Variants in SRRM5 observed in about 807,000 individuals in gnomAD.
The protein encoded by SRRM5 is serine/arginine repetitive matrix protein 5.
SRRM5 carries 1 observed loss-of-function variant against 1.3 expected under a neutral mutation model. The ratio of observed to expected loss-of-function variants is 0.76; its 90% CI spans 0.27 to 3.59. The LOEUF (loss-of-function observed/expected upper bound fraction) is 3.59. Ranked by LOEUF, SRRM5 falls within the 30% of genes most tolerant of loss-of-function variation. The pLI is 0.19. For missense variants in SRRM5, 875 were observed against 914.5 expected, an observed-to-expected ratio of 0.96 and a Z score of 0.56; for synonymous variants, 275 against 320.2, an observed-to-expected ratio of 0.86 and a Z score of 1.51.
In SRRM5 at chr19:43,614,367, A is replaced by G. The variant is rs1973350644; in HGVS notation, c.*98A>G. 2.0e-6 allele frequency: 3 copies of G among 1,530,714 alleles called. No individual in the cohort carries two copies. The highest frequency in any genetic ancestry group is 1.7e-6 in the Non-Finnish European group (2 of 1,143,498). 94.8% of individuals were successfully genotyped at this position (1,530,714 alleles called of 1,614,324 possible). ...AGCTGAGCAGCGTCCCTCCCCGGCC[A>G]GCTCTCCACAGCCACACCTCCGGCC... is the stretch of plus-strand genomic sequence containing the variant. On this transcript the variant is annotated 3_prime_UTR_variant, in exon 1 of 1. Coordinates refer to ENST00000417606, the MANE Select transcript of SRRM5 (RefSeq NM_001145641.2).
In SRRM5 at chr19:43,612,715, A is replaced by G; in HGVS notation, c.594A>G (p.Pro198=). 4 of 1,551,632 alleles carry G rather than the reference A, an allele frequency of 2.6e-6. No homozygotes were observed. The highest frequency in any genetic ancestry group is 3.5e-6 in the Non-Finnish European group (4 of 1,146,992). The change falls in exon 1 of 1, where the codon CCA becomes CCG. Residue 198 remains proline (P), a synonymous_variant. Coordinates refer to ENST00000417606, the MANE Select transcript of SRRM5 (RefSeq NM_001145641.2). This position sits in a 1 kb window ranked among gnomAD's most constrained non-coding sequence, Gnocchi z 4.2. ...ATCTGAGCAAGAAGAGTTACCGCCCACCAGGAGGCTCAGGTATAGGGAGGA... is the reference window on the plus strand; with the variant it reads ...ATCTGAGCAAGAAGAGTTACCGCCCGCCAGGAGGCTCAGGTATAGGGAGGA... ...PRNLSKKSYR[P]PGGSGIGRSS...
In SRRM5 at chr19:43,613,777, C is replaced by G. The variant is rs755892279; in HGVS notation, c.1656C>G (p.Ser552Arg). 1 of 1,549,744 alleles carries G rather than the reference C, an allele frequency of 6.5e-7. No individual in the cohort carries two copies. Among genetic ancestry groups the G allele is most frequent in the Non-Finnish European group, 8.7e-7 (1 of 1,145,736 alleles). The change falls in exon 1 of 1, where the codon AGC (serine) becomes AGG (arginine). Residue 552 changes from serine to arginine, a missense_variant. Coordinates refer to ENST00000417606, the MANE Select transcript of SRRM5 (RefSeq NM_001145641.2). ...ERDRSQSRSP[S>R]EEREHRQSRS... ...ATCGCAGCCAATCTAGAAGCCCCAGCGAGGAGAGAGAGCACAGACAATCCA... is the reference window on the plus strand; with the variant it reads ...ATCGCAGCCAATCTAGAAGCCCCAGGGAGGAGAGAGAGCACAGACAATCCA...
At position 43,614,292 on chromosome 19, in the gene SRRM5, G is replaced by C. The variant is rs201481478; in HGVS notation, c.*23G>C. On this transcript the variant is annotated 3_prime_UTR_variant, in exon 1 of 1. Coordinates refer to ENST00000417606, the MANE Select transcript of SRRM5 (RefSeq NM_001145641.2). ...TAGCCCCCAGTCTCAGCTGGCTCAC[G>C]GGTCTCTGTCATGACCGGGGGAGGG... 1 of 1,610,168 alleles carries C rather than the reference G, an allele frequency of 6.2e-7. No homozygotes were observed.
chr19:43,613,304 C>T lies in SRRM5; in HGVS notation c.1183C>T (p.Pro395Ser), dbSNP rs866297504. The stretch of plus-strand genomic sequence containing the variant: ...GAGTGGTCGCAGTCAATCAGGAAGC[C>T]CCAACAAGCAGAGAGATCACAGCCG... ...KESGRSQSGS[P>S]NKQRDHSRSR... The change falls in exon 1 of 1, where the codon CCC becomes TCC. Residue 395 changes from proline to serine, a missense_variant. Transcript: ENST00000417606. 1 of 1,551,146 alleles carries T rather than the reference C, an allele frequency of 6.4e-7. No homozygotes were observed. Among genetic ancestry groups the T allele is most frequent in the Admixed American group, 2.0e-5 (1 of 50,908 alleles).
chr19:43,614,371 C>G lies in SRRM5; in HGVS notation c.*102C>G, dbSNP rs1600088672. On this transcript the variant is annotated 3_prime_UTR_variant, in exon 1 of 1. Coordinates refer to ENST00000417606, the MANE Select transcript of SRRM5 (RefSeq NM_001145641.2). ...GAGCAGCGTCCCTCCCCGGCCAGCTCTCCACAGCCACACCTCCGGCCACAA... is the reference window on the plus strand; with the variant it reads ...GAGCAGCGTCCCTCCCCGGCCAGCTGTCCACAGCCACACCTCCGGCCACAA... The G allele has an allele frequency of 2.0e-6, 3 of 1,528,674 alleles. No homozygotes were observed. The East Asian group carries it at 6.8e-5, about 35-fold the overall frequency. 94.7% of individuals were successfully genotyped at this position (1,528,674 alleles called of 1,614,324 possible). A position where few individuals can be genotyped will look rare whatever the true frequency, so the allele number is the denominator to read the frequency against.
At position 43,614,076 on chromosome 19, in the gene SRRM5, G is replaced by GGAA; in HGVS notation, c.1958_1960dup (p.Lys653dup). ...TCTACAGTCCCCAGAAGTCCCGACT[G>GGAA]GAAGAGATCCCCTACTAGGACAAGC... is the stretch of plus-strand genomic sequence containing the variant. On this transcript the variant is annotated inframe_insertion, in exon 1 of 1. Transcript: ENST00000417606. 6.4e-7 allele frequency: 1 copy of GGAA among 1,560,756 alleles called. No individual in the cohort carries two copies. The highest frequency in any genetic ancestry group is 1.2e-5 in the South Asian group (1 of 85,194).
In SRRM5 at chr19:43,613,520, C is replaced by A; in HGVS notation, c.1399C>A (p.Pro467Thr). 1 of 1,551,170 alleles carries A rather than the reference C, an allele frequency of 6.4e-7. No individual in the cohort carries two copies. Among genetic ancestry groups the A allele is most frequent in the Non-Finnish European group, 8.7e-7 (1 of 1,146,846 alleles). Residue 467 changes from proline to threonine, a missense_variant, in exon 1 of 1, where the codon CCC becomes ACC. Physicochemically the swap from Pro to Thr is conservative, Grantham distance 38. Transcript: ENST00000417606. The part of the protein sequence containing the change: ...KARDHSRSRS[P>T]NKARDRSRSR... Reference sequence around the variant, plus strand: ...AAGAGATCATAGCCGATCTAGAAGTCCCAACAAGGCGAGAGATCGCAGCCG... The same window carrying A: ...AAGAGATCATAGCCGATCTAGAAGTACCAACAAGGCGAGAGATCGCAGCCG...
Position 43,613,595 on chromosome 19 carries a change from A to G in SRRM5, c.1474A>G (p.Ser492Gly). The stretch of plus-strand genomic sequence containing the variant: ...AGATCACAGCCAACTTGGAAGCCCC[A>G]GCAAAGAGAGAGATCACAGACGATC... ...ERDHSQLGSP[S>G]KERDHRRSRS... Residue 492 changes from serine (S) to glycine (G), a missense_variant, in exon 1 of 1, where the codon AGC becomes GGC. By Grantham distance (56) the Ser-to-Gly change is moderately conservative. Transcript: ENST00000417606. The G allele has an allele frequency of 3.2e-6, 5 of 1,551,312 alleles. No individual in the cohort carries two copies. Among genetic ancestry groups the G allele is most frequent in the Non-Finnish European group, 3.5e-6 (4 of 1,146,738 alleles).
At position 43,614,386 on chromosome 19, in the gene SRRM5, T is replaced by C. The variant is rs1973350807; in HGVS notation, c.*117T>C. The C allele has an allele frequency of 1.7e-5, 25 of 1,509,862 alleles. No individual in the cohort carries two copies. Among genetic ancestry groups the C allele is most frequent in the Non-Finnish European group, 2.2e-5 (25 of 1,134,208 alleles). 93.5% of individuals were successfully genotyped at this position (1,509,862 alleles called of 1,614,324 possible). A position where few individuals can be genotyped will look rare whatever the true frequency, so the allele number is the denominator to read the frequency against. The stretch of plus-strand genomic sequence containing the variant: ...CCGGCCAGCTCTCCACAGCCACACC[T>C]CCGGCCACAAGTTCTCTAATACAGG... On this transcript the variant is annotated 3_prime_UTR_variant, in exon 1 of 1. Transcript: ENST00000417606.
Position 43,612,555 on chromosome 19 carries a change from T to G in SRRM5, c.434T>G (p.Ile145Arg). 1.3e-6 allele frequency: 2 copies of G among 1,550,998 alleles called. No homozygotes were observed. Residue 145 changes from isoleucine (I) to arginine (R), a missense_variant, in exon 1 of 1, where the codon ATA (isoleucine) becomes AGA (arginine). Coordinates refer to ENST00000417606, the MANE Select transcript of SRRM5 (RefSeq NM_001145641.2). The surrounding 1 kb of genome is among the most constrained non-coding windows in gnomAD (Gnocchi z 4.2). ...AGCAGGGCCAGCACTCCTGGCAGGATAAGAACTCATGGTGCCAGACCAGGC... is the reference window on the plus strand; with the variant it reads ...AGCAGGGCCAGCACTCCTGGCAGGAGAAGAACTCATGGTGCCAGACCAGGC... The part of the protein sequence containing the change: ...SPSRASTPGR[I>R]RTHGARPGMA...
In SRRM5 at chr19:43,613,140, G is replaced by A. The variant is rs768621607; in HGVS notation, c.1019G>A (p.Ser340Asn). ...SQSRSHSKGKSQNQSRTPRRG... is the reference protein window; with the variant it reads ...SQSRSHSKGKNQNQSRTPRRG... ...TCTAGAAGCCACAGCAAGGGGAAAA[G>A]TCAAAACCAATCTAGAACCCCCAGA... Residue 340 changes from serine to asparagine, a missense_variant, in exon 1 of 1, where the codon AGT (serine) becomes AAT (asparagine). Physicochemically the swap from Ser to Asn is conservative, Grantham distance 46. Coordinates refer to ENST00000417606, the MANE Select transcript of SRRM5 (RefSeq NM_001145641.2). 2.6e-6 allele frequency: 4 copies of A among 1,551,522 alleles called. No homozygotes were observed. The African/African-American group carries it at 5.5e-5, about 21-fold the overall frequency.
At position 43,612,882 on chromosome 19, in the gene SRRM5, A is replaced by T. The variant is rs532462200; in HGVS notation, c.761A>T (p.Glu254Val). Residue 254 changes from glutamate (E) to valine (V), a missense_variant, in exon 1 of 1, where the codon GAA becomes GTA. Coordinates refer to ENST00000417606, the MANE Select transcript of SRRM5 (RefSeq NM_001145641.2). This position sits in a 1 kb window ranked among gnomAD's most constrained non-coding sequence, Gnocchi z 4.2. Reference sequence around the variant, plus strand: ...GGTCAGATGATCATCCCCAGTAGGGAAAAGAGTTACAGCCCCACTGAAATG... The same window carrying T: ...GGTCAGATGATCATCCCCAGTAGGGTAAAGAGTTACAGCCCCACTGAAATG... The part of the protein sequence containing the change: ...SYGQMIIPSR[E>V]KSYSPTEMSS... 1 of 1,551,584 alleles carries T rather than the reference A, an allele frequency of 6.4e-7. No homozygotes were observed.
rs1202746851 is a variant in SRRM5 at position 43,614,106 on chromosome 19, TCA to T, written c.1986_1987del (p.Gln664GlufsTer2). On this transcript the variant is annotated frameshift_variant, in exon 3 of 3. Transcript: ENST00000607544. LOFTEE classifies it low-confidence loss of function (END_TRUNC). ...AGATCCCCTACTAGGACAAGCAGTC[TCA>T]GTCAGAATAGAACCCCTAGCAAGAC... 3.1e-6 allele frequency: 5 copies of T among 1,587,640 alleles called. No individual in the cohort carries two copies. In the African/African-American group the frequency reaches 5.4e-5, roughly 17 times the overall value.
rs369108312 is a variant in SRRM5, at chr19:43,612,696, G to A, written c.575G>A (p.Ser192Asn). The A allele has an allele frequency of 1.1e-4, 172 of 1,551,448 alleles. No individual in the cohort carries two copies. The highest frequency in any genetic ancestry group is 1.5e-4 in the Non-Finnish European group (169 of 1,147,004). ...ERSDSQPRNLSKKSYRPPGGS... is the reference protein window; with the variant it reads ...ERSDSQPRNLNKKSYRPPGGS... ...AGTGACAGCCAGCCTAGAAATCTGA[G>A]CAAGAAGAGTTACCGCCCACCAGGA... Residue 192 changes from serine to asparagine, a missense_variant, in exon 1 of 1, where the codon AGC (serine) becomes AAC (asparagine). Ser to Asn is a conservative substitution (Grantham distance 46). Transcript: ENST00000417606. The surrounding 1 kb of genome is among the most constrained non-coding windows in gnomAD (Gnocchi z 4.2).
At position 43,614,143 on chromosome 19, in the gene SRRM5, C is replaced by A; in HGVS notation, c.2022C>A (p.His674Gln). The A allele has an allele frequency of 6.2e-7, 1 of 1,613,170 alleles. No individual in the cohort carries two copies. The highest frequency in any genetic ancestry group is 8.5e-7 in the Non-Finnish European group (1 of 1,179,492). Residue 674 changes from histidine to glutamine, a missense_variant, in exon 1 of 1, where the codon CAC becomes CAA. Coordinates refer to ENST00000417606, the MANE Select transcript of SRRM5 (RefSeq NM_001145641.2). ...GAACCCCTAGCAAGACAAGCAGCCA[C>A]TCCCCATCAACATTTCCCAGTGGGG... ...QNRTPSKTSS[H>Q]SPSTFPSGGQ...
Position 43,612,514 on chromosome 19 carries a change from C to G in SRRM5, c.393C>G (p.Ser131Arg), listed in dbSNP as rs1222405790. The part of the protein sequence containing the change: ...GRTPGRRGSR[S>R]SKRSPSRAST... ...CACCTGGCAGAAGGGGAAGCCGCAG[C>G]TCCAAGAGGTCACCCAGCAGGGCCA... The change falls in exon 1 of 1, where the codon AGC (serine) becomes AGG (arginine). Residue 131 changes from serine to arginine, a missense_variant. Transcript: ENST00000417606. This position sits in a 1 kb window ranked among gnomAD's most constrained non-coding sequence, Gnocchi z 4.2. 11 of 1,551,310 alleles carry G rather than the reference C, an allele frequency of 7.1e-6. No individual in the cohort carries two copies. In the African/African-American group the frequency reaches 1.2e-4, roughly 17 times the overall value.
rs1973348774 is a variant in SRRM5, at chr19:43,614,248, ATCT to A, written c.2133_2135del (p.Ser712del). 3 of 1,613,944 alleles carry A rather than the reference ATCT, an allele frequency of 1.9e-6. No homozygotes were observed. The highest frequency in any genetic ancestry group is 1.7e-5 in the Admixed American group (1 of 59,978). On this transcript the variant is annotated inframe_deletion, in exon 1 of 1. Coordinates refer to ENST00000417606, the MANE Select transcript of SRRM5 (RefSeq NM_001145641.2). ...CCTTACCTGGGGAAAGGTCTTCATC[ATCT>A]TCTTCCAAGCTGGCGTAGCCCCCAG... is the stretch of plus-strand genomic sequence containing the variant.
rs1374173384 is a variant in SRRM5, at chr19:43,613,863, GCAGA to G, written c.1745_1748del (p.Arg582AsnfsTer104). ...AGAAGCCCCAGCAAGGAGAGAGAGC[GCAGA>G]CAATCTAGAAGCTCCAGCGAGGAGA... On this transcript the variant is annotated frameshift_variant, in exon 3 of 3. Coordinates refer to the SRRM5 transcript ENST00000607544. LOFTEE classifies it low-confidence loss of function (END_TRUNC). 8.4e-6 allele frequency: 13 copies of G among 1,551,122 alleles called. No individual in the cohort carries two copies. The Admixed American group carries it at 9.8e-5, about 12-fold the overall frequency.
rs1973321534 is a variant in SRRM5, at chr19:43,613,072, C to T, written c.951C>T (p.Arg317=). ...WKRNHSRARS[R]TRKGILSQMG... Reference sequence around the variant, plus strand: ...GAAACCATAGCAGGGCAAGAAGTCGCACCCGGAAGGGAATTCTGAGCCAGA... The same window carrying T: ...GAAACCATAGCAGGGCAAGAAGTCGTACCCGGAAGGGAATTCTGAGCCAGA... The change falls in exon 1 of 1, where the codon CGC becomes CGT. Residue 317 remains arginine, a synonymous_variant. Coordinates refer to ENST00000417606, the MANE Select transcript of SRRM5 (RefSeq NM_001145641.2). 2 of 1,551,410 alleles carry T rather than the reference C, an allele frequency of 1.3e-6. No individual in the cohort carries two copies. Among genetic ancestry groups the T allele is most frequent in the Non-Finnish European group, 1.7e-6 (2 of 1,146,966 alleles).
Sources: allele counts gnomAD v4.1 joint callset, GRCh38; gene constraint gnomAD v4.1.1; non-coding constraint Gnocchi (gnomAD v3.1); transcripts MANE v1.5; gene names NCBI Gene and HGNC (gene_info 2026-07-23, HGNC 2026-07-21).